GULP1: variants seen among roughly 807,000 people sequenced by gnomAD.
The protein encoded by GULP1 is GULP PTB domain containing engulfment adaptor 1.
In GULP1, 19 loss-of-function variants were observed where a neutral mutation model predicts 40.9. The ratio of observed to expected loss-of-function variants is 0.46; its 90% CI spans 0.32 to 0.68. The LOEUF is 0.68. GULP1 is among the 30% of genes least tolerant of loss of function. The pLI is 0.03. For missense variants in GULP1, 312 were observed against 362.2 expected (o/e 0.86, Z 1.12); for synonymous variants, 119 against 117.6 (o/e 1.01, Z -0.08).
chr2:188,314,915 T>C (rs1044359042), intron 1 of GULP1, among the ~76,000 whole-genome samples: 1 of 152,154 alleles, frequency 6.6e-6, no homozygotes, highest in East Asian at 1.9e-4. Flanking sequence ...AGTCACTTAG[T>C]AGCCATCCCG....
At chr2:188,371,665 A>G (rs2047616618) in intron 1 of GULP1, among the ~76,000 whole-genome samples, 1 of 152,156 alleles carries the variant, frequency 6.6e-6, no homozygotes, top group Admixed American at 6.5e-5. Context: ...CCTAATTAGT[A>G]TAGATTACTA....
intron 2 of GULP1, among the ~76,000 whole-genome samples, chr2:188,429,238 G>T (rs929304779): frequency 6.6e-6 from 1 of 152,038 alleles, no homozygotes. Flanking sequence ...TGTGCTGGCT[G>T]TCACCTGTAA....
chr2:188,495,379 C>G (rs1180000520), intron 4 of GULP1, among the ~76,000 whole-genome samples: 2 of 152,080 alleles, frequency 1.3e-5, no homozygotes, highest in Admixed American at 1.3e-4. Flanking sequence ...TTAGCAAACA[C>G]CTGTAATGCC....
At position 188,555,798 on chromosome 2, in the gene GULP1, T is replaced by C. The variant is rs796963957; in HGVS notation, c.400-13441T>C. Among the ~76,000 whole-genome samples, 8 of 152,224 alleles carry C rather than the reference T, an allele frequency of 5.3e-5. 1 individual carries two copies. Among genetic ancestry groups the C allele is most frequent in the African/African-American group, 1.9e-4 (8 of 41,544 alleles). ...CATCTAGGCTGGGTGTGGTGGCTTATACCTGTAATCTCAGCACTTTGGAAG... is the reference window on the plus strand; with the variant it reads ...CATCTAGGCTGGGTGTGGTGGCTTACACCTGTAATCTCAGCACTTTGGAAG... On this transcript the variant is annotated intron_variant, in intron 7 of 11. Transcript: ENST00000409830.
At chr2:188,298,284 G>C (rs567677946) in intron 1 of GULP1, among the ~76,000 whole-genome samples, 1 of 121,776 alleles carries the variant, frequency 8.2e-6, no homozygotes, top group Non-Finnish European at 2.1e-5. Flanking sequence ...GAGAAAGTTT[G>C]GCTGATTAGA....
At chr2:188,323,905 TG>T (rs2040389947) in intron 1 of GULP1, among the ~76,000 whole-genome samples, 1 of 152,014 alleles carries the variant, frequency 6.6e-6, no homozygotes, top group Non-Finnish European at 1.5e-5. Context: ...ATTTACCTTC[TG>T]GGCAGCAAGA....
intron 1 of GULP1, among the ~76,000 whole-genome samples, chr2:188,331,059 A>C (rs2041506291): frequency 6.6e-6 from 1 of 152,222 alleles, no homozygotes; most frequent in Admixed American, 6.5e-5. Flanking sequence ...CCTTATGACT[A>C]AAGCACTCCC....
At chr2:188,494,649 G>A (rs1486350126) in intron 4 of GULP1, among the ~76,000 whole-genome samples, 2 of 151,942 alleles carry the variant, frequency 1.3e-5, no homozygotes, top group Non-Finnish European at 2.9e-5. Context: ...AGAGGAGCGA[G>A]CATTTTTAAA....
At position 188,559,432 on chromosome 2, in the gene GULP1, G is replaced by T. The variant is rs186322926; in HGVS notation, c.400-9807G>T. 2.6e-5 allele frequency among the ~76,000 whole-genome samples: 4 copies of T among 152,318 alleles called. No homozygotes were observed. In the East Asian group the frequency reaches 7.7e-4, roughly 29 times the overall value. On this transcript the variant is annotated intron_variant, in intron 7 of 11. Coordinates refer to ENST00000409830, the MANE Select transcript of GULP1 (RefSeq NM_016315.4). Reference sequence around the variant, plus strand: ...CTGGATGCCCAGGCAGAACTATGCCGCAGGGGTGGGGCACTCATGGAGAAC... The same window carrying T: ...CTGGATGCCCAGGCAGAACTATGCCTCAGGGGTGGGGCACTCATGGAGAAC...
intron 4 of GULP1, among the ~76,000 whole-genome samples, chr2:188,512,452 C>G (rs2064681389): frequency 6.6e-6 from 1 of 151,954 alleles, no homozygotes; most frequent in African/African-American, 2.4e-5. Context: ...AATGTGTATT[C>G]CAGACATTTT....
At chr2:188,545,543 T>A (rs1446750603) in intron 7 of GULP1, among the ~76,000 whole-genome samples, 1 of 151,706 alleles carries the variant, frequency 6.6e-6, no homozygotes. Context: ...GTTATATAGA[T>A]AAAATGTGAA....
intron 1 of GULP1, among the ~76,000 whole-genome samples, chr2:188,331,835 A>AT (rs2041632268): frequency 6.6e-6 from 1 of 152,214 alleles, no homozygotes; most frequent in South Asian, 2.1e-4. Flanking sequence ...ATTATTACAT[A>AT]TAACTTTTAT....
At chr2:188,365,250 C>CT (rs78144417) in intron 1 of GULP1, among the ~76,000 whole-genome samples, 32,509 of 152,078 alleles carry the variant, frequency 0.21, 3,648 homozygotes, top group African/African-American at 0.27. Flanking sequence ...CCTGCCATAT[C>CT]TTAATGGAAG....
At position 188,593,948 on chromosome 2, in the gene GULP1, C is replaced by A; in HGVS notation, c.852C>A (p.Phe284Leu). ...QSKLDEMQEGFKMGLTLEGTV... is the reference protein window; with the variant it reads ...QSKLDEMQEGLKMGLTLEGTV... ...TTTATTCTGTTTTACAGGAGGGGTT[C>A]AAAATGGGACTAACTCTTGAAGGCA... Residue 284 changes from phenylalanine (F) to leucine (L), a missense_variant, in exon 12 of 12, where the codon TTC becomes TTA. Phe to Leu is a conservative substitution (Grantham distance 22, BLOSUM62 0). Transcript: ENST00000409830. 1 of 1,574,094 alleles carries A rather than the reference C, an allele frequency of 6.4e-7. No individual in the cohort carries two copies. Among genetic ancestry groups the A allele is most frequent in the Non-Finnish European group, 8.7e-7 (1 of 1,144,616 alleles).
At chr2:188,425,555 A>T (rs1391363422) in intron 2 of GULP1, among the ~76,000 whole-genome samples, 3 of 152,088 alleles carry the variant, frequency 2.0e-5, no homozygotes, top group African/African-American at 7.2e-5. Flanking sequence ...GCTTGTTCTA[A>T]TTCAGAATCA....
intron 1 of GULP1, among the ~76,000 whole-genome samples, chr2:188,324,925 G>A (rs1293772555): frequency 6.6e-6 from 1 of 151,928 alleles, no homozygotes; most frequent in African/African-American, 2.4e-5. Context: ...TTGGTATAAT[G>A]TATTCAAGCA....
intron 1 of GULP1, among the ~76,000 whole-genome samples, chr2:188,348,037 G>A (rs1186466781): frequency 6.6e-6 from 1 of 152,156 alleles, no homozygotes; most frequent in Non-Finnish European, 1.5e-5. Flanking sequence ...AAATATTCTA[G>A]ATGTAGTAGA....
chr2:188,371,687 ATAAT>A (rs2047620336), intron 1 of GULP1, among the ~76,000 whole-genome samples: 3 of 152,152 alleles, frequency 2.0e-5, no homozygotes, highest in Non-Finnish European at 4.4e-5. Flanking sequence ...TTAGAAATTA[ATAAT>A]TAAGTTAAGC....
chr2:188,452,179 C>G (rs896343595), intron 2 of GULP1, among the ~76,000 whole-genome samples: 1 of 152,128 alleles, frequency 6.6e-6, no homozygotes, highest in Non-Finnish European at 1.5e-5. Flanking sequence ...GTCACTAAAT[C>G]TGAAGATTAG....
Sources: allele counts gnomAD v4.1 joint callset (sites outside exome capture counted in the v4.1 genomes callset), GRCh38; gene constraint gnomAD v4.1.1; transcripts MANE v1.5; gene names NCBI Gene and HGNC (gene_info 2026-07-23, HGNC 2026-07-21).